Variants in CNPY1 observed in about 807,000 individuals in gnomAD.
CNPY1 encodes the protein protein canopy homolog 1.
CNPY1 carries 14 observed loss-of-function variants against 14.4 expected under a neutral mutation model. The ratio of observed to expected loss-of-function variants is 0.97; its 90% confidence interval spans 0.64 to 1.52. The LOEUF is 1.52. CNPY1 is among the 40% of genes most tolerant of loss of function. The pLI, the probability that CNPY1 is intolerant of heterozygous loss-of-function variation, is 0.00. For missense variants in CNPY1, 129 were observed against 131.5 expected (o/e 0.98, Z 0.09); for synonymous variants, 43 against 46.5 (o/e 0.92, Z 0.31).
chr7:155,509,516 G>A (rs1158899997), intron 2 of CNPY1, among the ~76,000 whole-genome samples: 1 of 151,982 alleles, frequency 6.6e-6, no homozygotes, highest in African/African-American at 2.4e-5. Flanking sequence ...AGGGAAAGGA[G>A]GGAGAGACAG....
At chr7:155,521,798 T>TGGCACCC (rs1413770867) in intron 2 of CNPY1, among the ~76,000 whole-genome samples, 3 of 152,350 alleles carry the variant, frequency 2.0e-5, no homozygotes, top group African/African-American at 7.2e-5. Context: ...GGCAGGGGCC[T>TGGCACCC]GGCACCCGGC....
At chr7:155,517,460 G>A (rs908788360) in intron 2 of CNPY1, among the ~76,000 whole-genome samples, 4 of 152,168 alleles carry the variant, frequency 2.6e-5, no homozygotes, top group African/African-American at 4.8e-5. Flanking sequence ...CAGTCACAGC[G>A]TGACGTCCTC....
At chr7:155,541,375 A>C (rs983006699) in intron 2 of CNPY1, among the ~76,000 whole-genome samples, 1 of 152,228 alleles carries the variant, frequency 6.6e-6, no homozygotes, top group Non-Finnish European at 1.5e-5. Flanking sequence ...CCGGGAGCTG[A>C]GGTCCCTGTA....
intron 2 of CNPY1, among the ~76,000 whole-genome samples, chr7:155,529,044 G>C (rs892695661): frequency 2.1e-5 from 3 of 144,954 alleles, no homozygotes; most frequent in African/African-American, 7.8e-5. Context: ...CTGGGTGACA[G>C]AGCGAGACTC....
At chr7:155,514,901 T>C (rs1314927912) in intron 2 of CNPY1, among the ~76,000 whole-genome samples, 9 of 148,596 alleles carry the variant, frequency 6.1e-5, no homozygotes, top group Admixed American at 6.0e-4. Flanking sequence ...TCTCAAAAAA[T>C]AAAGTAAAAT....
At chr7:155,545,109 A>C (rs563919179) in intron 2 of CNPY1, among the ~76,000 whole-genome samples, 118 of 152,252 alleles carry the variant, frequency 7.8e-4, no homozygotes, top group Non-Finnish European at 1.6e-3. Context: ...TCACAACAAA[A>C]GAAAGCTGCA....
At chr7:155,530,006 C>A (rs985752411) in intron 2 of CNPY1, among the ~76,000 whole-genome samples, 1 of 152,064 alleles carries the variant, frequency 6.6e-6, no homozygotes, top group African/African-American at 2.4e-5. Context: ...TGGTCTCGAA[C>A]TCCCAACCTC....
intron 2 of CNPY1, among the ~76,000 whole-genome samples, chr7:155,521,934 C>G (rs986832142): frequency 3.9e-5 from 6 of 152,268 alleles, no homozygotes; most frequent in Non-Finnish European, 8.8e-5. Flanking sequence ...ATCATCCTAT[C>G]TCCGGAAGGG....
At chr7:155,504,727 C>CACACACACAG (rs1437578432) in intron 4 of CNPY1, among the ~76,000 whole-genome samples, 4 of 144,146 alleles carry the variant, frequency 2.8e-5, no homozygotes, top group Admixed American at 2.1e-4. Flanking sequence ...CACACACACA[C>CACACACACAG]AGTCACATCT....
chr7:155,512,807 C>A (rs534426199), intron 2 of CNPY1, among the ~76,000 whole-genome samples: 2 of 152,292 alleles, frequency 1.3e-5, no homozygotes, highest in African/African-American at 4.8e-5. Context: ...TTGGAGTGTC[C>A]TTCAGATATG....
chr7:155,514,938 G>C (rs577883068), intron 2 of CNPY1, among the ~76,000 whole-genome samples: 169 of 152,202 alleles, frequency 1.1e-3, no homozygotes, highest in Non-Finnish European at 2.1e-3. Context: ...AAAAATGTTA[G>C]ATATCTAAGA....
At chr7:155,517,405 T>A (rs1796641568) in intron 2 of CNPY1, among the ~76,000 whole-genome samples, 1 of 152,220 alleles carries the variant, frequency 6.6e-6, no homozygotes, top group Non-Finnish European at 1.5e-5. Context: ...CCATTGTTAG[T>A]GGCTCCTGTC....
Position 155,503,109 on chromosome 7 carries a change from GAAAAA to G in CNPY1, c.401-9_401-5del. On this transcript the variant is annotated splice_region_variant and splice_polypyrimidine_tract_variant and intron_variant, in intron 4 of 4. Coordinates refer to ENST00000636446, the MANE Select transcript of CNPY1 (RefSeq NM_001393663.1). ...TTAGCAGAAGTTTCACACAGATCTG[GAAAAA>G]AAAAAAAAAGTAGATAGCATCATTA... The G allele has an allele frequency of 6.9e-7, 1 of 1,440,870 alleles. No homozygotes were observed. The highest frequency in any genetic ancestry group is 1.9e-5 in the Admixed American group (1 of 52,830). The allele number at this position is 1,440,870 out of a possible 1,614,324, so 89.3% of individuals were successfully genotyped here. A position where few individuals can be genotyped will look rare whatever the true frequency, so the allele number is the denominator to read the frequency against.
chr7:155,527,703 T>C (rs552322514), intron 2 of CNPY1, among the ~76,000 whole-genome samples: 11 of 152,142 alleles, frequency 7.2e-5, no homozygotes, highest in African/African-American at 2.4e-4. Flanking sequence ...CCTCCCGCCT[T>C]GGCCTCCCAA....
At chr7:155,540,790 C>T (rs1401210351) in intron 2 of CNPY1, among the ~76,000 whole-genome samples, 1 of 152,184 alleles carries the variant, frequency 6.6e-6, no homozygotes, top group Non-Finnish European at 1.5e-5. Flanking sequence ...ATGTGAGCCC[C>T]TCGACTCCAG....
intron 2 of CNPY1, among the ~76,000 whole-genome samples, chr7:155,516,431 G>C (rs538518809): frequency 2.7e-4 from 41 of 152,316 alleles, no homozygotes; most frequent in African/African-American, 9.1e-4. Flanking sequence ...GAGGACCCCA[G>C]TGTTTCAGGG....
intron 2 of CNPY1, among the ~76,000 whole-genome samples, chr7:155,532,287 C>T (rs1173767135): frequency 6.6e-6 from 1 of 152,178 alleles, no homozygotes; most frequent in Non-Finnish European, 1.5e-5. Flanking sequence ...CACTGCCTTT[C>T]CCAACTGTTC....
At chr7:155,508,234 C>A (rs1430776336) in intron 3 of CNPY1, among the ~76,000 whole-genome samples, 1 of 152,186 alleles carries the variant, frequency 6.6e-6, no homozygotes, top group Non-Finnish European at 1.5e-5. Flanking sequence ...TTCTAGCAAG[C>A]CAGAGACTAG....
chr7:155,512,913 G>T (rs926066135), intron 2 of CNPY1, among the ~76,000 whole-genome samples: 13 of 152,122 alleles, frequency 8.5e-5, no homozygotes, highest in African/African-American at 2.7e-4. Context: ...AATTTTAATT[G>T]CATTGTAGCA....
Sources: allele counts gnomAD v4.1 joint callset (sites outside exome capture counted in the v4.1 genomes callset), GRCh38; gene constraint gnomAD v4.1.1; transcripts MANE v1.5; gene names NCBI Gene and HGNC (gene_info 2026-07-23, HGNC 2026-07-21).